PXDNL: variants seen among roughly 807,000 people sequenced by gnomAD.
The protein encoded by PXDNL is peroxidasin like.
In PXDNL, 145 loss-of-function variants were observed where a neutral mutation model predicts 150.8. That is an observed-to-expected ratio of 0.96 (90% CI 0.84 to 1.10). The LOEUF is 1.10. Among genes scored for constraint, PXDNL ranks in the 50% least tolerant of loss-of-function variants. The probability of loss-of-function intolerance (pLI) is 0.00; values close to 1 mark genes in which losing one functional copy is unlikely to be tolerated. For missense variants in PXDNL, 2,087 were observed against 1,873.9 expected (o/e 1.11, Z -2.10); for synonymous variants, 757 against 725.7 (o/e 1.04, Z -0.69).
chr8:51,339,561 T>A, intron 21 of PXDNL, 63 bp downstream of exon 21: 1 of 1,510,734 alleles, frequency 6.6e-7, no homozygotes, highest in Non-Finnish European at 9.1e-7. Flanking sequence ...ACTGGACAAA[T>A]CTTTTATGTT....
chr8:51,453,570 C>A lies in PXDNL; in HGVS notation c.1198G>T (p.Ala400Ser), dbSNP rs747382711. ...QRDHGRFTCH[A>S]NNSHGTVQAA... is the part of the protein sequence containing the mutation. ...TGAACAGTGCCGTGGCTATTGTTGG[C>A]ATGACAGGTAAATCGACCATGATCC... Residue 400 changes from alanine (A) to serine (S), a missense_variant, in exon 10 of 23, where the codon GCC (alanine) becomes TCC (serine). Coordinates refer to ENST00000356297, the MANE Select transcript of PXDNL (RefSeq NM_144651.5). 6.2e-7 allele frequency: 1 copy of A among 1,614,014 alleles called. No individual in the cohort carries two copies. Among genetic ancestry groups the A allele is most frequent in the Admixed American group, 1.7e-5 (1 of 60,032 alleles).
At chr8:51,792,550 A>G (rs1321940905) in intron 1 of PXDNL, among the ~76,000 whole-genome samples, 2 of 152,198 alleles carry the variant, frequency 1.3e-5, no homozygotes, top group African/African-American at 4.8e-5. Context: ...GGTGTTCATC[A>G]TCACTGCAGC....
At chr8:51,525,764 G>T (rs934152253) in intron 4 of PXDNL, among the ~76,000 whole-genome samples, 4 of 152,154 alleles carry the variant, frequency 2.6e-5, no homozygotes, top group Non-Finnish European at 4.4e-5. Flanking sequence ...GCATGTCCGT[G>T]GTCAGCGGTC....
Position 51,409,153 on chromosome 8 carries a change from G to A in PXDNL, c.2471C>T (p.Ala824Val), listed in dbSNP as rs1305759686. 3 of 1,601,924 alleles carry A rather than the reference G, an allele frequency of 1.9e-6. No homozygotes were observed. The East Asian group carries it at 6.7e-5, about 36-fold the overall frequency. The change falls in exon 17 of 23, where the codon GCC becomes GTC. Residue 824 changes from alanine (A) to valine (V), a missense_variant. By Grantham distance (64) the Ala-to-Val change is moderately conservative (BLOSUM62 0). Coordinates refer to ENST00000356297, the MANE Select transcript of PXDNL (RefSeq NM_144651.5). ...LDHTVPALST[A>V]RFSDGRPCSS... ...GCACGGCCGCCCATCCGAGAAGCGGGCTGTGCTCAGCGCAGGCACTGTGTG... is the reference window on the plus strand; with the variant it reads ...GCACGGCCGCCCATCCGAGAAGCGGACTGTGCTCAGCGCAGGCACTGTGTG...
At chr8:51,370,628 G>A (rs1807073579) in intron 19 of PXDNL, among the ~76,000 whole-genome samples, 1 of 152,122 alleles carries the variant, frequency 6.6e-6, no homozygotes, top group South Asian at 2.1e-4. Context: ...ATTGAGTCTG[G>A]CTCTGTCACC....
chr8:51,598,774 G>A lies in PXDNL; in HGVS notation c.237-6076C>T, dbSNP rs573699304. 4.6e-5 allele frequency among the ~76,000 whole-genome samples: 7 copies of A among 152,090 alleles called. No individual in the cohort carries two copies. In the South Asian group the frequency reaches 1.5e-3, roughly 32 times the overall value. On this transcript the variant is annotated intron_variant, in intron 2 of 22. Transcript: ENST00000356297. ...TTCAGAGAATGAGTTATGGAAAGGT[G>A]CCTCCTCGATTTTCTAACATAGGTT...
At chr8:51,493,218 G>T (rs1373011217) in intron 5 of PXDNL, among the ~76,000 whole-genome samples, 1 of 152,106 alleles carries the variant, frequency 6.6e-6, no homozygotes, top group Non-Finnish European at 1.5e-5. Context: ...TGCAGCTGAG[G>T]GTCCTGACTG....
chr8:51,453,098 T>C (rs1244108812), intron 10 of PXDNL, among the ~76,000 whole-genome samples: 1 of 152,252 alleles, frequency 6.6e-6, no homozygotes, highest in Non-Finnish European at 1.5e-5. Flanking sequence ...ATTGCTGTTG[T>C]TACGCAGTCT....
At chr8:51,799,697 T>C (rs1297389709) in intron 1 of PXDNL, among the ~76,000 whole-genome samples, 3 of 152,182 alleles carry the variant, frequency 2.0e-5, no homozygotes, top group Non-Finnish European at 1.5e-5. Flanking sequence ...AGCCTCTCTA[T>C]AACAGGGCAA....
intron 1 of PXDNL, among the ~76,000 whole-genome samples, chr8:51,733,841 TATATATG>T (rs1213842158): frequency 2.0e-5 from 3 of 146,642 alleles, no homozygotes; most frequent in South Asian, 2.1e-4. Context: ...ATAATTTATA[TATATATG>T]ATATATATGA....
chr8:51,403,408 G>A (rs932323935), intron 17 of PXDNL, among the ~76,000 whole-genome samples: 4 of 149,486 alleles, frequency 2.7e-5, no homozygotes, highest in Admixed American at 6.6e-5. Flanking sequence ...CACCTCTCCC[G>A]GAACTCCTCT....
At chr8:51,646,409 G>A (rs1161069587) in intron 2 of PXDNL, among the ~76,000 whole-genome samples, 6 of 152,156 alleles carry the variant, frequency 3.9e-5, no homozygotes, top group South Asian at 2.1e-4. Flanking sequence ...TGTGATAGCC[G>A]TAGCCAGCTA....
intron 1 of PXDNL, among the ~76,000 whole-genome samples, chr8:51,745,048 TG>T (rs2036968446): frequency 6.6e-6 from 1 of 152,132 alleles, no homozygotes; most frequent in Non-Finnish European, 1.5e-5. Flanking sequence ...AAAATATGGA[TG>T]GTAATGACAT....
chr8:51,499,839 G>A, intron 4 of PXDNL, 69 bp from the exon 5 acceptor site: 1 of 1,003,894 alleles, frequency 1.0e-6, no homozygotes, highest in South Asian at 1.3e-5. Flanking sequence ...TGAAGAATTA[G>A]CAATTGCTTC....
intron 17 of PXDNL, among the ~76,000 whole-genome samples, chr8:51,404,664 C>G (rs140541454): frequency 0.025 from 3,783 of 152,316 alleles, 183 homozygotes; most frequent in African/African-American, 0.085. Context: ...AAACCTTGAG[C>G]TAGACACAGA....
At chr8:51,693,118 C>T (rs936091273) in intron 1 of PXDNL, among the ~76,000 whole-genome samples, 1 of 152,170 alleles carries the variant, frequency 6.6e-6, no homozygotes, top group African/African-American at 2.4e-5. Context: ...GATCCTAATA[C>T]ACTCAAAATA....
chr8:51,445,573 AG>A (rs1809655016), intron 12 of PXDNL, among the ~76,000 whole-genome samples: 1 of 152,226 alleles, frequency 6.6e-6, no homozygotes, highest in Non-Finnish European at 1.5e-5. Flanking sequence ...GAGTCGACGA[AG>A]CCTCCATAGG....
chr8:51,495,450 T>C (rs1195759998), intron 5 of PXDNL, among the ~76,000 whole-genome samples: 6 of 151,726 alleles, frequency 4.0e-5, no homozygotes, highest in Admixed American at 2.0e-4. Context: ...TTGAAGGAAA[T>C]AGAGACACAA....
chr8:51,606,986 A>G (rs1467342703), intron 2 of PXDNL, among the ~76,000 whole-genome samples: 2 of 152,146 alleles, frequency 1.3e-5, no homozygotes, highest in Non-Finnish European at 2.9e-5. Context: ...AATGCCCTAT[A>G]ACCCAGGAAG....
Sources: allele counts gnomAD v4.1 joint callset (sites outside exome capture counted in the v4.1 genomes callset), GRCh38; gene constraint gnomAD v4.1.1; transcripts MANE v1.5; gene names NCBI Gene and HGNC (gene_info 2026-07-23, HGNC 2026-07-21).